Variants in GON4L observed in about 807,000 individuals in gnomAD.
The protein encoded by GON4L is gon-4 like.
GON4L carries 87 observed loss-of-function variants against 211.8 expected under a neutral mutation model. That is an observed-to-expected ratio of 0.41 (90% CI 0.35 to 0.49). GON4L has a LOEUF of 0.49. Ranked by LOEUF, GON4L falls within the 20% of genes least tolerant of loss-of-function variation. The pLI is 0.15. For synonymous variants in GON4L, 875 were observed against 962.6 expected (o/e 0.91, Z 1.68); for missense variants, 2,155 against 2,659.5 (o/e 0.81, Z 4.17).
chr1:155,856,211 T>TTTTC (rs1335361050), intron 1 of GON4L, among the ~76,000 whole-genome samples: 1 of 151,990 alleles, frequency 6.6e-6, no homozygotes, highest in Non-Finnish European at 1.5e-5. Flanking sequence ...CTCTTTCTTC[T>TTTTC]TTTCTTTCTT....
chr1:155,823,503 A>C (rs1392142027), intron 3 of GON4L, among the ~76,000 whole-genome samples: 2 of 152,216 alleles, frequency 1.3e-5, no homozygotes, highest in African/African-American at 2.4e-5. Flanking sequence ...TCCAGAAATA[A>C]GACACAGATG....
downstream of GON4L, chr1:155,748,317 G>C (rs937218512): frequency 3.6e-6 from 5 of 1,404,684 alleles, no homozygotes; most frequent in African/African-American, 2.8e-5. Flanking sequence ...TCATCCCCTG[G>C]GTCTCTCTGG....
chr1:155,807,730 A>AAAAAAATAC (rs1395575383), intron 10 of GON4L, among the ~76,000 whole-genome samples: 1 of 143,798 alleles, frequency 7.0e-6, no homozygotes, highest in Non-Finnish European at 1.5e-5. Flanking sequence ...AAAAAAGAAA[A>AAAAAAATAC]TCAGAAAGTG....
In GON4L at chr1:155,849,079, C is replaced by G. The variant is rs1043036639; in HGVS notation, c.505+4197G>C. Among the ~76,000 whole-genome samples, 4 of 139,412 alleles carry G rather than the reference C, an allele frequency of 2.9e-5. No homozygotes were observed. In the Admixed American group the frequency reaches 3.0e-4, roughly 10 times the overall value. The allele number at this position is 139,412 out of a possible 152,430, so 91.5% of individuals were successfully genotyped here. A position where few individuals can be genotyped will look rare whatever the true frequency, so the allele number is the denominator to read the frequency against. On this transcript the variant is annotated intron_variant, in intron 2 of 31. Coordinates refer to ENST00000368331, the MANE Select transcript of GON4L (RefSeq NM_001282860.2). ...AGGAGAATCGCTTGAACCCGGGAAG[C>G]AGAGGTTGCAGTGAGCCAAAATCAT...
upstream of GON4L, among the ~76,000 whole-genome samples, chr1:155,858,088 C>A (rs976106951): frequency 6.6e-6 from 1 of 152,180 alleles, no homozygotes; most frequent in African/African-American, 2.4e-5. Flanking sequence ...TATTAAGTCT[C>A]CTAACTCTAG....
In GON4L at chr1:155,778,426, T is replaced by C. The variant is rs141383449; in HGVS notation, c.1893-606A>G. On this transcript the variant is annotated intron_variant, in intron 14 of 31. Transcript: ENST00000368331. ...GCCACCACGCCCAGCTAATTTTTTG[T>C]ATTTTTAGTAGAGATGGGATTTCAC... Among the ~76,000 whole-genome samples the C allele has an allele frequency of 5.2e-3, 789 of 152,270 alleles. 5 individuals are homozygous for C. Among genetic ancestry groups the C allele is most frequent in the African/African-American group, 0.018 (743 of 41,548 alleles).
At chr1:155,804,920 T>C (rs199821187) in intron 11 of GON4L, 29 bp downstream of exon 11, 21 of 1,525,474 alleles carry the variant, frequency 1.4e-5, no homozygotes, top group Non-Finnish European at 1.7e-5. Context: ...ATGGACAGTA[T>C]ACATAATAAA....
At chr1:155,769,119 G>A (rs1224951631) in intron 19 of GON4L, among the ~76,000 whole-genome samples, 1 of 151,906 alleles carries the variant, frequency 6.6e-6, no homozygotes, top group Non-Finnish European at 1.5e-5. Context: ...GGGATTACAG[G>A]TGAGTGGCAC....
At chr1:155,801,829 G>A (rs1455781757) in intron 11 of GON4L, among the ~76,000 whole-genome samples, 1 of 151,036 alleles carries the variant, frequency 6.6e-6, no homozygotes, top group African/African-American at 2.4e-5. Flanking sequence ...GTTGCAGTGA[G>A]CCGAGATCAC....
At chr1:155,755,333 T>C (rs565107583) in intron 27 of GON4L, among the ~76,000 whole-genome samples, 1 of 152,234 alleles carries the variant, frequency 6.6e-6, no homozygotes, top group South Asian at 2.1e-4. Context: ...CCTTGCAAAG[T>C]GCTGGCATTA....
chr1:155,842,523 CA>C (rs71591917), intron 2 of GON4L, among the ~76,000 whole-genome samples: 294 of 26,006 alleles, frequency 0.011, no homozygotes, highest in Non-Finnish European at 0.013. Context: ...GACTCCATCT[CA>C]AAAAAAAAAA....
At position 155,804,939 on chromosome 1, in the gene GON4L, C is replaced by G. The variant is rs749043199; in HGVS notation, c.1645+10G>C. The G allele has an allele frequency of 3.7e-6, 6 of 1,609,564 alleles. No individual in the cohort carries two copies. In the South Asian group the frequency reaches 6.6e-5, roughly 18 times the overall value. ...ACAGTATACATAATAAATCACAAAC[C>G]AAAACTTACCTTCATTCCCCACATC... On this transcript the variant is annotated intron_variant, in intron 11 of 31. Coordinates refer to ENST00000368331, the MANE Select transcript of GON4L (RefSeq NM_001282860.2).
intron 2 of GON4L, among the ~76,000 whole-genome samples, chr1:155,851,629 T>C (rs1671806400): frequency 2.6e-5 from 4 of 151,392 alleles, no homozygotes; most frequent in Admixed American, 2.0e-4. Flanking sequence ...GGCAGGAGAA[T>C]CACTTGAACA....
chr1:155,849,055 G>A (rs543223086), intron 2 of GON4L, among the ~76,000 whole-genome samples: 24 of 151,708 alleles, frequency 1.6e-4, no homozygotes, highest in African/African-American at 5.6e-4. Flanking sequence ...GGCTGAGGCA[G>A]GAGAATCGCT....
At chr1:155,748,163 C>A (rs1660330244), downstream of GON4L, 1 of 1,536,604 alleles carries the variant, frequency 6.5e-7, no homozygotes, top group South Asian at 1.2e-5. Context: ...CTGCGGCAGG[C>A]TACAGGGCCT....
chr1:155,748,697 G>C, downstream of GON4L: 1 of 1,613,738 alleles, frequency 6.2e-7, no homozygotes, highest in Non-Finnish European at 8.5e-7. Context: ...CCACCCCATG[G>C]ACCCCACTGT....
intron 1 of GON4L, among the ~76,000 whole-genome samples, chr1:155,854,596 T>G (rs1221192117): frequency 6.6e-6 from 1 of 152,236 alleles, no homozygotes; most frequent in Admixed American, 6.5e-5. Context: ...TGAATCTCAG[T>G]GTCTTCAGCT....
At chr1:155,780,082 A>AT (rs1441609179) in intron 14 of GON4L, among the ~76,000 whole-genome samples, 1 of 152,038 alleles carries the variant, frequency 6.6e-6, no homozygotes, top group Non-Finnish European at 1.5e-5. Context: ...TACAGGCGTG[A>AT]GCCACTGCAC....
At chr1:155,788,673 G>A (rs1182169947) in intron 12 of GON4L, among the ~76,000 whole-genome samples, 2 of 152,036 alleles carry the variant, frequency 1.3e-5, no homozygotes, top group Admixed American at 6.6e-5. Flanking sequence ...ACAAACTAAC[G>A]ACCCATGCAA....
Sources: allele counts gnomAD v4.1 joint callset (sites outside exome capture counted in the v4.1 genomes callset), GRCh38; gene constraint gnomAD v4.1.1; transcripts MANE v1.5; gene names NCBI Gene and HGNC (gene_info 2026-07-23, HGNC 2026-07-21).